The following SHROOM2 variants were observed in gnomAD, a reference collection of about 807,000 sequenced individuals.
SHROOM2 encodes the protein shroom family member 2.
Under a neutral mutation model 75.9 loss-of-function variants are expected in SHROOM2, and 33 were observed. The ratio of observed to expected loss-of-function variants is 0.43; its 90% CI spans 0.33 to 0.58. The LOEUF (loss-of-function observed/expected upper bound fraction) is 0.58. Ranked by LOEUF, SHROOM2 falls within the 20% of genes least tolerant of loss-of-function variation. The probability of loss-of-function intolerance (pLI) is 0.04; values close to 1 mark genes in which losing one functional copy is unlikely to be tolerated. For synonymous variants in SHROOM2, 655 were observed against 663.6 expected, an observed-to-expected ratio of 0.99 and a Z score of 0.20; for missense variants, 1,434 against 1,461.2, an observed-to-expected ratio of 0.98 and a Z score of 0.30.
intron 1 of SHROOM2, among the ~76,000 whole-genome samples, chrX:9,857,826 TC>T (rs1472189477): frequency 9.0e-6 from 1 of 110,942 alleles, no homozygotes; most frequent in Non-Finnish European, 1.9e-5. Context: ...GCTGCTCATT[TC>T]CCCATGAGCA....
At chrX:9,889,160 T>C (rs1416012301) in intron 2 of SHROOM2, among the ~76,000 whole-genome samples, 1 of 111,910 alleles carries the variant, frequency 8.9e-6, no homozygotes, top group Non-Finnish European at 1.9e-5. Context: ...CATGGGGTGC[T>C]GAATTTGTCT....
intron 5 of SHROOM2, among the ~76,000 whole-genome samples, chrX:9,903,569 G>A (rs192064263): frequency 6.6e-4 from 73 of 111,155 alleles, no homozygotes; most frequent in Admixed American, 6.1e-3. Context: ...TTTGAGACAG[G>A]GTCTCGCCCT....
At chrX:9,789,600 G>A (rs2083636361) in intron 1 of SHROOM2, among the ~76,000 whole-genome samples, 1 of 111,054 alleles carries the variant, frequency 9.0e-6, no homozygotes, top group South Asian at 3.9e-4. Flanking sequence ...TCTTCAGTGG[G>A]GGGAGGGGAG....
intron 2 of SHROOM2, among the ~76,000 whole-genome samples, chrX:9,887,552 C>T (rs1455951479): frequency 1.8e-5 from 2 of 112,271 alleles, no homozygotes; most frequent in Admixed American, 9.4e-5. Flanking sequence ...CCATTTTGAT[C>T]ATCTTTGCTG....
intron 1 of SHROOM2, among the ~76,000 whole-genome samples, chrX:9,797,591 A>G (rs2083701831): frequency 1.8e-5 from 2 of 112,284 alleles, no homozygotes; most frequent in South Asian, 7.3e-4. Context: ...TTCCCTGCAC[A>G]CTTATTATAT....
intron 1 of SHROOM2, among the ~76,000 whole-genome samples, chrX:9,808,334 A>T (rs373763081): frequency 9.9e-4 from 104 of 104,771 alleles, no homozygotes; most frequent in African/African-American, 3.3e-3. Context: ...ACTGGAGCCC[A>T]GGAGTTCGAG....
chrX:9,939,184 C>T lies in SHROOM2; in HGVS notation c.4140-11C>T. 2 of 1,196,396 alleles carry T rather than the reference C, an allele frequency of 1.7e-6. No individual in the cohort carries two copies. Among genetic ancestry groups the T allele is most frequent in the South Asian group, 1.8e-5 (1 of 54,171 alleles). ...GTCCCAGCTCATTGAAGTTCCCACA[C>T]CTTTACCCAGGAAAGAGGAGCCCAG... On this transcript the variant is annotated splice_polypyrimidine_tract_variant and intron_variant, in intron 7 of 9. Coordinates refer to ENST00000380913, the MANE Select transcript of SHROOM2 (RefSeq NM_001649.4).
In SHROOM2 at chrX:9,794,674, A is replaced by T. The variant is rs2083685247; in HGVS notation, c.165+7964A>T. Among the ~76,000 whole-genome samples the T allele has an allele frequency of 2.7e-5, 3 of 111,694 alleles. No homozygotes were observed. In the Admixed American group the frequency reaches 2.9e-4, roughly 11 times the overall value. Reference sequence around the variant, plus strand: ...CATGAGCCACCGCGCCCAGCCATAAACTAGTTTTTCTTTAACTGACTACTG... The same window carrying T: ...CATGAGCCACCGCGCCCAGCCATAATCTAGTTTTTCTTTAACTGACTACTG... On this transcript the variant is annotated intron_variant, in intron 1 of 9. Transcript: ENST00000380913.
At chrX:9,929,542 C>G (rs1201909957) in intron 5 of SHROOM2, among the ~76,000 whole-genome samples, 2 of 111,426 alleles carry the variant, frequency 1.8e-5, no homozygotes, top group African/African-American at 6.5e-5. Flanking sequence ...GTCTCTTGCT[C>G]CATGTCATTG....
intron 1 of SHROOM2, among the ~76,000 whole-genome samples, chrX:9,853,766 T>A (rs73474519): frequency 0.024 from 2,669 of 112,022 alleles, 75 homozygotes; most frequent in African/African-American, 0.083. Flanking sequence ...CAACATATCT[T>A]TTTGGGAGAC....
intron 1 of SHROOM2, among the ~76,000 whole-genome samples, chrX:9,816,437 TC>T (rs2083822168): frequency 8.9e-6 from 1 of 112,362 alleles, no homozygotes; most frequent in Admixed American, 9.4e-5. Flanking sequence ...AGGATTTTTG[TC>T]CTGACCCCGG....
At chrX:9,917,293 G>T (rs2084498850) in intron 5 of SHROOM2, among the ~76,000 whole-genome samples, 1 of 111,500 alleles carries the variant, frequency 9.0e-6, no homozygotes, top group South Asian at 3.8e-4. Flanking sequence ...GTGCCCTTCT[G>T]CTTTTTGTTT....
At chrX:9,892,990 C>G (rs760584433) in intron 3 of SHROOM2, among the ~76,000 whole-genome samples, 2 of 112,729 alleles carry the variant, frequency 1.8e-5, no homozygotes, top group African/African-American at 6.4e-5. Context: ...TCAATTTCAT[C>G]CTCTTAGACA....
At chrX:9,908,859 C>T (rs998277056) in intron 5 of SHROOM2, among the ~76,000 whole-genome samples, 4 of 109,887 alleles carry the variant, frequency 3.6e-5, no homozygotes, top group Middle Eastern at 8.5e-3. Context: ...TTGGGAGGAT[C>T]GCTTGAGCCT....
rs772142787 is a variant in SHROOM2, at chrX:9,834,788, C to T, written c.166-38864C>T. On this transcript the variant is annotated intron_variant, in intron 1 of 9. Transcript: ENST00000380913. ...CTCCCAGGGTCAAGAGATTCTCCCA[C>T]TTGGGTTTTCCTTGTCAGGGAGCTG... Among the ~76,000 whole-genome samples the T allele has an allele frequency of 2.2e-4, 25 of 112,082 alleles. 1 individual carries two copies. Among genetic ancestry groups the T allele is most frequent in the Non-Finnish European group, 3.6e-4 (19 of 53,254 alleles).
Position 9,786,612 on chromosome X carries a change from G to A in SHROOM2, c.67G>A (p.Gly23Ser). 1 of 879,123 alleles carries A rather than the reference G, an allele frequency of 1.1e-6. No homozygotes were observed. The highest frequency in any genetic ancestry group is 1.4e-6 in the Non-Finnish European group (1 of 718,606). The allele number at this position is 879,123 out of a possible 1,213,427, so 72.4% of individuals were successfully genotyped here. Residue 23 changes from glycine to serine, a missense_variant, in exon 1 of 10, where the codon GGC becomes AGC. Transcript: ENST00000380913. ...CGAGGCCGAGACGCGGGCGGCGGAC[G>A]GCGGGCGCCTGGTGGAGGTGCAGCT... ...LAEAETRAAD[G>S]GRLVEVQLSG...
intron 1 of SHROOM2, among the ~76,000 whole-genome samples, chrX:9,830,487 T>C (rs150136905): frequency 4.4e-4 from 48 of 110,332 alleles, no homozygotes; most frequent in African/African-American, 1.5e-3. Context: ...TGATAATTCT[T>C]ATCCTTCACC....
chrX:9,795,186 C>T (rs1282993184), intron 1 of SHROOM2, among the ~76,000 whole-genome samples: 2 of 109,164 alleles, frequency 1.8e-5, no homozygotes, highest in Non-Finnish European at 3.8e-5. Context: ...TTCACAGGCA[C>T]GGTTATAGCC....
At chrX:9,835,727 GT>G (rs5901419) in intron 1 of SHROOM2, among the ~76,000 whole-genome samples, 10,680 of 95,782 alleles carry the variant, frequency 0.11, 1,507 homozygotes, top group African/African-American at 0.37. Flanking sequence ...CTCTCTTCAT[GT>G]TTTTTTTTTT....
Sources: allele counts gnomAD v4.1 joint callset (sites outside exome capture counted in the v4.1 genomes callset), GRCh38; gene constraint gnomAD v4.1.1; transcripts MANE v1.5; gene names NCBI Gene and HGNC (gene_info 2026-07-23, HGNC 2026-07-21).